MDGA1: variants seen among roughly 807,000 people sequenced by gnomAD.
MDGA1 encodes the protein MAM domain-containing glycosylphosphatidylinositol anchor protein 1.
MDGA1 carries 54 observed loss-of-function variants against 101.5 expected under a neutral mutation model. That is an observed-to-expected ratio of 0.53 (90% CI 0.43 to 0.67). The LOEUF (loss-of-function observed/expected upper bound fraction) is 0.67. Ranked by LOEUF, MDGA1 falls within the 30% of genes least tolerant of loss-of-function variation. The pLI, the probability that MDGA1 is intolerant of heterozygous loss-of-function variation, is 0.00. For synonymous variants in MDGA1, 533 were observed against 558.3 expected, an observed-to-expected ratio of 0.95 and a Z score of 0.64; for missense variants, 1,083 against 1,323.8, an observed-to-expected ratio of 0.82 and a Z score of 2.82.
rs1363425702 is a variant in MDGA1 at position 37,696,332 on chromosome 6, C to G, written c.67+413G>C. On this transcript the variant is annotated intron_variant, in intron 1 of 16. Coordinates refer to ENST00000434837, the MANE Select transcript of MDGA1 (RefSeq NM_153487.4). The surrounding 1 kb of genome is among the most constrained non-coding windows in gnomAD (Gnocchi z 5.6). ...CCTTGGTGCTGACAGCCGGCTCGCC[C>G]GCAAGCCGCGCGGCAACTCCGGCTC... Among the ~76,000 whole-genome samples the G allele has an allele frequency of 6.6e-6, 1 of 152,150 alleles. No homozygotes were observed. Among genetic ancestry groups the G allele is most frequent in the Non-Finnish European group, 1.5e-5 (1 of 68,008 alleles).
rs1319944393 is a variant in MDGA1 at position 37,638,604 on chromosome 6, A to G, written c.2600T>C (p.Leu867Pro). 1 of 1,613,862 alleles carries G rather than the reference A, an allele frequency of 6.2e-7. No homozygotes were observed. The highest frequency in any genetic ancestry group is 8.5e-7 in the Non-Finnish European group (1 of 1,179,874). ...CCACACATTGCCCTTATTGCCACTGAGAGACCAGGCGTGCGTGTCCAGAGC... is the reference window on the plus strand; with the variant it reads ...CCACACATTGCCCTTATTGCCACTGGGAGACCAGGCGTGCGTGTCCAGAGC... ...KGALDTHAWS[L>P]SGNKGNVWQQ... The change falls in exon 15 of 17, where the codon CTC becomes CCC. Residue 867 changes from leucine (L) to proline (P), a missense_variant. Transcript: ENST00000434837. The surrounding 1 kb of genome is among the most constrained non-coding windows in gnomAD (Gnocchi z 4.8).
chr6:37,637,127 A>C lies in MDGA1; in HGVS notation c.*241T>G. 4.6e-6 allele frequency: 2 copies of C among 436,528 alleles called. No individual in the cohort carries two copies. The highest frequency in any genetic ancestry group is 8.2e-6 in the Non-Finnish European group (2 of 244,644). 27.0% of individuals were successfully genotyped at this position (436,528 alleles called of 1,614,324 possible). On this transcript the variant is annotated 3_prime_UTR_variant, in exon 17 of 17. Coordinates refer to ENST00000434837, the MANE Select transcript of MDGA1 (RefSeq NM_153487.4). ...GTCAGATAGAAACTTGTGCTTTAAT[A>C]TATCTCTGTGTGTGTGAGCATGAGT...
chr6:37,662,722 C>T (rs565549826), intron 2 of MDGA1, among the ~76,000 whole-genome samples: 9 of 152,056 alleles, frequency 5.9e-5, no homozygotes, highest in Admixed American at 2.6e-4. Flanking sequence ...CAAGGGTTTG[C>T]GCCTGGGTGG....
chr6:37,680,784 T>C (rs1762075852), intron 1 of MDGA1, among the ~76,000 whole-genome samples: 1 of 152,242 alleles, frequency 6.6e-6, no homozygotes, highest in African/African-American at 2.4e-5. Flanking sequence ...ACTGTCTCCA[T>C]GCACCCAGCC....
intron 1 of MDGA1, among the ~76,000 whole-genome samples, chr6:37,692,176 G>A (rs1030011509): frequency 1.3e-5 from 2 of 152,158 alleles, no homozygotes; most frequent in East Asian, 1.9e-4. Flanking sequence ...GCAATGTGGC[G>A]GCCAAGCCCT....
chr6:37,683,462 C>T (rs1243208225), intron 1 of MDGA1, among the ~76,000 whole-genome samples: 1 of 152,254 alleles, frequency 6.6e-6, no homozygotes, highest in African/African-American at 2.4e-5. Context: ...TGCACCCCCT[C>T]TCCTAAACAC....
rs763376200 is a variant in MDGA1, at chr6:37,644,577, G to C, written c.2321C>G (p.Thr774Arg). 2 of 1,609,300 alleles carry C rather than the reference G, an allele frequency of 1.2e-6. No homozygotes were observed. Among genetic ancestry groups the C allele is most frequent in the Middle Eastern group, 1.6e-4 (1 of 6,072 alleles). The stretch of plus-strand genomic sequence containing the variant: ...GTTCTGGGTGAGGGCATTCTGCCGC[G>C]TCCAGTCAAAGTTGTCTGTCAGGTC... ...TQDLTDNFDW[T>R]RQNALTQNPK... Residue 774 changes from threonine to arginine, a missense_variant, in exon 13 of 17, where the codon ACG becomes AGG. Transcript: ENST00000434837.
chr6:37,648,761 A>G, intron 9 of MDGA1: 3 of 805,774 alleles, frequency 3.7e-6, no homozygotes, highest in Non-Finnish European at 5.5e-6. Context: ...CCGCACCTGG[A>G]GGGCGGGGCT....
intron 1 of MDGA1, among the ~76,000 whole-genome samples, chr6:37,686,639 C>T (rs1000009917): frequency 6.6e-6 from 1 of 152,076 alleles, no homozygotes; most frequent in Non-Finnish European, 1.5e-5. Flanking sequence ...GTTGCCCAGG[C>T]TGGTCTCAAA....
chr6:37,690,148 C>G (rs1279210950), intron 1 of MDGA1, among the ~76,000 whole-genome samples: 1 of 152,232 alleles, frequency 6.6e-6, no homozygotes, highest in Admixed American at 6.5e-5. Flanking sequence ...AGGGCCTTTG[C>G]AGCGGCTATT....
In MDGA1 at chr6:37,658,290, C is replaced by G. The variant is rs376834520; in HGVS notation, c.337G>C (p.Gly113Arg). 2.5e-6 allele frequency: 4 copies of G among 1,610,576 alleles called. No individual in the cohort carries two copies. The highest frequency in any genetic ancestry group is 3.4e-6 in the Non-Finnish European group (4 of 1,178,626). The change falls in exon 3 of 17, where the codon GGC becomes CGC. Residue 113 changes from glycine to arginine, a missense_variant. This residue lies in a region of MDGA1 where 310 missense variants were observed against 355.9 expected (regional missense o/e 0.87). Coordinates refer to ENST00000434837, the MANE Select transcript of MDGA1 (RefSeq NM_153487.4). ...GACTTGATGGCCGGCACCCCCACGC[C>G]GTTCTCAGCCTTGCAGTAGTAGCGG... The part of the protein sequence containing the change: ...GGRYYCKAEN[G>R]VGVPAIKSIR...
chr6:37,644,115 C>T (rs1291363642), intron 13 of MDGA1, among the ~76,000 whole-genome samples, 172 bp from the exon 14 acceptor site: 1 of 35,780 alleles, frequency 2.8e-5, no homozygotes, highest in African/African-American at 6.1e-5. Context: ...TCACCCCACG[C>T]ATCCTGCCTC....
intron 1 of MDGA1, among the ~76,000 whole-genome samples, chr6:37,676,789 C>T (rs1300994467): frequency 6.6e-5 from 10 of 151,326 alleles, no homozygotes; most frequent in East Asian, 3.9e-4. Flanking sequence ...CCCAGCTACT[C>T]GGGAGGCTGA....
Position 37,655,971 on chromosome 6 carries a change from TTAGG to T in MDGA1, c.383-79_383-76del. 2 of 1,323,964 alleles carry T rather than the reference TTAGG, an allele frequency of 1.5e-6. No individual in the cohort carries two copies. Among genetic ancestry groups the T allele is most frequent in the Non-Finnish European group, 2.1e-6 (2 of 974,602 alleles). 82.0% of individuals were successfully genotyped at this position (1,323,964 alleles called of 1,614,324 possible). On this transcript the variant is annotated intron_variant, in intron 3 of 16. Transcript: ENST00000434837. The surrounding 1 kb of genome is among the most constrained non-coding windows in gnomAD (Gnocchi z 5.1). ...GGGGGGCTCAGGCTCCTGGCAGCCCTTAGGAAGAGCTGAGCCACCCTCAACAGAC... is the reference window on the plus strand; with the variant it reads ...GGGGGGCTCAGGCTCCTGGCAGCCCTAAGAGCTGAGCCACCCTCAACAGAC...
chr6:37,644,186 C>T (rs188337264), intron 13 of MDGA1, among the ~76,000 whole-genome samples: 4 of 151,988 alleles, frequency 2.6e-5, no homozygotes, highest in African/African-American at 9.6e-5. Context: ...TCCTGCCTCA[C>T]AGCACAGGAG....
At chr6:37,675,242 C>A (rs1168279997) in intron 1 of MDGA1, among the ~76,000 whole-genome samples, 3 of 152,070 alleles carry the variant, frequency 2.0e-5, no homozygotes, top group East Asian at 3.9e-4. Context: ...ACTCAGTGAC[C>A]AAGTGACCTT....
intron 1 of MDGA1, among the ~76,000 whole-genome samples, chr6:37,670,874 A>C (rs1209848817): frequency 6.6e-6 from 1 of 152,206 alleles, no homozygotes; most frequent in Non-Finnish European, 1.5e-5. Context: ...CAAGTCACTC[A>C]CTGAGACAGC....
chr6:37,687,926 C>A (rs1347201480), intron 1 of MDGA1, among the ~76,000 whole-genome samples: 2 of 152,052 alleles, frequency 1.3e-5, no homozygotes, highest in African/African-American at 4.8e-5. Flanking sequence ...CCTAGAGAAC[C>A]AAGGGAGGTC....
intron 1 of MDGA1, among the ~76,000 whole-genome samples, chr6:37,688,174 G>A (rs1315049477): frequency 6.6e-6 from 1 of 152,192 alleles, no homozygotes; most frequent in African/African-American, 2.4e-5. Flanking sequence ...ATCTGTTTTG[G>A]TCTGGCTTTT....
Sources: gnomAD v4.1 joint callset for allele counts (sites outside exome capture counted in the v4.1 genomes callset) on GRCh38, gnomAD v4.1.1 for gene constraint, gnomAD v4.1.1 regional missense constraint, Gnocchi (gnomAD v3.1) non-coding constraint, MANE v1.5 for transcripts, NCBI Gene and HGNC (gene_info 2026-07-23, HGNC 2026-07-21) for gene names.